The following RABGGTB variants were observed in gnomAD, a reference collection of about 807,000 sequenced individuals.
RABGGTB encodes geranylgeranyl transferase type-2 subunit beta.
In RABGGTB, 20 loss-of-function variants were observed where a neutral mutation model predicts 44.5. The ratio of observed to expected loss-of-function variants is 0.45; its 90% CI spans 0.32 to 0.65. RABGGTB has a LOEUF of 0.65. Among genes scored for constraint, RABGGTB ranks in the 30% least tolerant of loss-of-function variants. The probability of loss-of-function intolerance (pLI) is 0.05; values close to 1 mark genes in which losing one functional copy is unlikely to be tolerated. For missense variants in RABGGTB, 302 were observed against 398.7 expected, an observed-to-expected ratio of 0.76 and a Z score of 2.06; for synonymous variants, 128 against 136.7, an observed-to-expected ratio of 0.94 and a Z score of 0.44.
intron 8 of RABGGTB, 125 bp downstream of exon 8, chr1:75,794,358 G>A (rs1245973833): frequency 3.8e-6 from 5 of 1,329,760 alleles, no homozygotes; most frequent in Non-Finnish European, 5.1e-6. Context: ...TCTATTTATT[G>A]TAGAGTGTAT....
intron 8 of RABGGTB, 74 bp downstream of exon 8, chr1:75,794,307 A>G (rs1649717869): frequency 6.7e-7 from 1 of 1,502,058 alleles, no homozygotes; most frequent in Non-Finnish European, 9.0e-7. Context: ...ATGGATTTCC[A>G]GGGTGGCATT....
intron 1 of RABGGTB, chr1:75,786,829 T>C: frequency 3.1e-6 from 1 of 325,186 alleles, no homozygotes; most frequent in Non-Finnish European, 5.9e-6. Context: ...GAACTGCTTA[T>C]TTAATACATT....
intron 8 of RABGGTB, 65 bp downstream of exon 8, chr1:75,794,298 T>C: frequency 6.6e-7 from 1 of 1,523,082 alleles, no homozygotes; most frequent in South Asian, 1.3e-5. Flanking sequence ...CATGGTTCCA[T>C]GGATTTCCAG....
intron 8 of RABGGTB, 74 bp downstream of exon 8, chr1:75,794,307 AG>A: frequency 1.3e-6 from 2 of 1,502,058 alleles, no homozygotes; most frequent in South Asian, 1.3e-5. Context: ...ATGGATTTCC[AG>A]GGTGGCATTC....
In RABGGTB at chr1:75,792,403, CTTAT is replaced by C. The variant is rs1649667853; in HGVS notation, c.705+103_705+106del. The C allele has an allele frequency of 4.0e-6, 6 of 1,503,954 alleles. No individual in the cohort carries two copies. The African/African-American group carries it at 4.1e-5, about 10-fold the overall frequency. The allele number at this position is 1,503,954 out of a possible 1,614,324, so 93.2% of individuals were successfully genotyped here. On this transcript the variant is annotated intron_variant, in intron 7 of 8. Transcript: ENST00000319942. The stretch of plus-strand genomic sequence containing the variant: ...TTCTATATTGTAAATTGGCCATGAG[CTTAT>C]TTATTACCTTTCCCTGTTGTGAATT...
chr1:75,789,248 T>C lies in RABGGTB; in HGVS notation c.201T>C (p.Asn67=), dbSNP rs375918526. ...TCATGGGACAACTTCATCGCATGAATAGAGAAGAGATTCTGGCATTTATTA... is the reference window on the plus strand; with the variant it reads ...TCATGGGACAACTTCATCGCATGAACAGAGAAGAGATTCTGGCATTTATTA... ...MDLMGQLHRM[N]REEILAFIKS... is the part of the protein sequence containing the mutation. Residue 67 remains asparagine, a synonymous_variant, in exon 3 of 9, where the codon AAT becomes AAC. Transcript: ENST00000319942. The C allele has an allele frequency of 7.4e-5, 119 of 1,614,048 alleles. No homozygotes were observed. In the Middle Eastern group the frequency reaches 8.3e-4, roughly 11 times the overall value.
intron 7 of RABGGTB, chr1:75,793,578 A>G (rs920550886): frequency 5.9e-5 from 9 of 152,480 alleles, no homozygotes; most frequent in African/African-American, 2.2e-4. Flanking sequence ...TAATGAGTCT[A>G]TGAGTTACTC....
At chr1:75,786,200 C>G, upstream of RABGGTB, 2 of 1,592,026 alleles carry the variant, frequency 1.3e-6, no homozygotes, top group South Asian at 2.2e-5. Context: ...GCCTGAGAGG[C>G]GCATCTGCGC....
intron 1 of RABGGTB, 121 bp from the exon 2 acceptor site, chr1:75,787,376 A>G: frequency 1.3e-6 from 1 of 764,962 alleles, no homozygotes. Context: ...TTTTAAATGG[A>G]ACGTTTTCCT....
chr1:75,793,336 A>G (rs1045427831), intron 7 of RABGGTB: 3 of 151,814 alleles, frequency 2.0e-5, no homozygotes, highest in Admixed American at 1.3e-4. Context: ...ACCTCAGGTG[A>G]TCTACCCGCC....
intron 7 of RABGGTB, chr1:75,793,337 T>C (rs1215188255): frequency 6.6e-6 from 1 of 152,098 alleles, no homozygotes; most frequent in Non-Finnish European, 1.5e-5. Context: ...CCTCAGGTGA[T>C]CTACCCGCCT....
rs1649723293 is a variant in RABGGTB at position 75,794,568 on chromosome 1, A to G, written c.914A>G (p.Gln305Arg). The change falls in exon 9 of 9, where the codon CAG becomes CGG. Residue 305 changes from glutamine (Q) to arginine (R), a missense_variant. By Grantham distance (43) the Gln-to-Arg change is conservative. Transcript: ENST00000319942. ...GGATTGTCACTTTTGGGAGAAGAAC[A>G]GATTAAACCTGTTAATCCTGTCTTT... ...IAGLSLLGEE[Q>R]IKPVNPVFCM... 2.5e-6 allele frequency: 4 copies of G among 1,613,136 alleles called. No homozygotes were observed. The highest frequency in any genetic ancestry group is 1.7e-5 in the Admixed American group (1 of 59,950).
chr1:75,786,234 C>T (rs199994413), upstream of RABGGTB: 1 of 1,613,738 alleles, frequency 6.2e-7, no homozygotes, highest in Non-Finnish European at 8.5e-7. Context: ...CTAAGTCTAC[C>T]CAGGAACTGA....
intron 6 of RABGGTB, 197 bp downstream of exon 6, chr1:75,791,768 C>T (rs1649652828): frequency 2.2e-5 from 12 of 534,646 alleles, no homozygotes; most frequent in Middle Eastern, 5.0e-4. Flanking sequence ...TCGGTGGATT[C>T]GTCTGACCTA....
chr1:75,790,394 G>A, intron 4 of RABGGTB: 1 of 1,158,290 alleles, frequency 8.6e-7, no homozygotes, highest in Non-Finnish European at 1.1e-6. Flanking sequence ...ATATTTGAGT[G>A]GAGGGAGGGA....
Position 75,792,213 on chromosome 1 carries a change from A to T in RABGGTB, c.612A>T (p.Thr204=). 1 of 1,612,884 alleles carries T rather than the reference A, an allele frequency of 6.2e-7. No homozygotes were observed. The highest frequency in any genetic ancestry group is 8.5e-7 in the Non-Finnish European group (1 of 1,178,876). The change falls in exon 7 of 9, where the codon ACA becomes ACT. Residue 204 remains threonine, a synonymous_variant. Coordinates refer to ENST00000319942, the MANE Select transcript of RABGGTB (RefSeq NM_004582.4). ...IYCCTGFLAI[T]SQLHQVNSDL... ...GTTGCACAGGATTTCTGGCAATTAC[A>T]AGTCAGTTGCATCAAGTAAATTCTG... is the stretch of plus-strand genomic sequence containing the variant.
intron 7 of RABGGTB, among the ~76,000 whole-genome samples, chr1:75,792,856 T>C (rs1332490036): frequency 6.6e-6 from 1 of 152,188 alleles, no homozygotes; most frequent in African/African-American, 2.4e-5. Context: ...TCAGATGGAA[T>C]CTTGCTCTGT....
chr1:75,792,176 T>C lies in RABGGTB; in HGVS notation c.580-5T>C. Reference sequence around the variant, plus strand: ...TACACATAAACTTTATGTCTGTAATTTTAGATCTATTGTTGCACAGGATTT... The same window carrying C: ...TACACATAAACTTTATGTCTGTAATCTTAGATCTATTGTTGCACAGGATTT... On this transcript the variant is annotated splice_region_variant and splice_polypyrimidine_tract_variant and intron_variant, in intron 6 of 8. Coordinates refer to ENST00000319942, the MANE Select transcript of RABGGTB (RefSeq NM_004582.4). The C allele has an allele frequency of 1.9e-6, 3 of 1,598,972 alleles. No homozygotes were observed. Among genetic ancestry groups the C allele is most frequent in the Non-Finnish European group, 1.7e-6 (2 of 1,166,476 alleles).
rs1369782424 is a variant in RABGGTB, at chr1:75,791,538, T to C, written c.546T>C (p.Gly182=). Residue 182 remains glycine (G), a synonymous_variant, in exon 6 of 9, where the codon GGT becomes GGC. Transcript: ENST00000319942. The part of the protein sequence containing the change: ...LSCMNFDGGF[G]CRPGSESHAG... ...GTATGAACTTTGACGGTGGATTTGG[T>C]TGCAGACCAGGTTCTGAATCCCATG... 1 of 1,612,744 alleles carries C rather than the reference T, an allele frequency of 6.2e-7. No individual in the cohort carries two copies. Among genetic ancestry groups the C allele is most frequent in the Non-Finnish European group, 8.5e-7 (1 of 1,179,934 alleles).
Sources: allele counts gnomAD v4.1 joint callset (sites outside exome capture counted in the v4.1 genomes callset), GRCh38; gene constraint gnomAD v4.1.1; transcripts MANE v1.5; gene names NCBI Gene and HGNC (gene_info 2026-07-23, HGNC 2026-07-21).